The following HIBADH variants were observed in gnomAD, a reference collection of about 807,000 sequenced individuals.
HIBADH encodes 3-hydroxyisobutyrate dehydrogenase, also known as 3-hydroxyisobutyrate dehydrogenase, mitochondrial.
HIBADH carries 25 observed loss-of-function variants against 36.1 expected under a neutral mutation model. The ratio of observed to expected loss-of-function variants is 0.69; its 90% CI spans 0.50 to 0.97. HIBADH has a LOEUF of 0.97. Ranked by LOEUF, HIBADH falls within the 50% of genes least tolerant of loss-of-function variation. The pLI is 0.00. For synonymous variants in HIBADH, 160 were observed against 149.5 expected (o/e 1.07, Z -0.51); for missense variants, 421 against 418.0 (o/e 1.01, Z -0.06).
At chr7:27,543,725 T>C (rs577291071) in intron 4 of HIBADH, among the ~76,000 whole-genome samples, 140 of 152,356 alleles carry the variant, frequency 9.2e-4, no homozygotes, top group African/African-American at 3.0e-3. Context: ...ATTTTTCTTT[T>C]CCTTCCTGCT....
chr7:27,647,866 G>A (rs1255085253), intron 2 of HIBADH: 2 of 190,612 alleles, frequency 1.0e-5, no homozygotes, highest in Non-Finnish European at 2.5e-5. Flanking sequence ...TACAGGCATA[G>A]AGGGAAGAGT....
At chr7:27,554,432 T>A (rs1172069260) in intron 4 of HIBADH, among the ~76,000 whole-genome samples, 1 of 152,246 alleles carries the variant, frequency 6.6e-6, no homozygotes, top group Non-Finnish European at 1.5e-5. Context: ...AAGTTTCACA[T>A]GCATCCTTTC....
intron 4 of HIBADH, among the ~76,000 whole-genome samples, chr7:27,627,252 C>T (rs1785664623): frequency 6.6e-6 from 1 of 152,160 alleles, no homozygotes; most frequent in African/African-American, 2.4e-5. Flanking sequence ...TGGCTGAAGC[C>T]AACCAGTCTC....
intron 4 of HIBADH, among the ~76,000 whole-genome samples, chr7:27,566,863 C>A (rs1266375405): frequency 1.3e-5 from 2 of 152,016 alleles, no homozygotes; most frequent in Non-Finnish European, 2.9e-5. Context: ...ATATATGTTA[C>A]TGGTTTCTAG....
chr7:27,566,808 G>T (rs1784554437), intron 4 of HIBADH, among the ~76,000 whole-genome samples: 1 of 151,946 alleles, frequency 6.6e-6, no homozygotes, highest in African/African-American at 2.4e-5. Flanking sequence ...GATTACTTAG[G>T]AATGTGTTAT....
At chr7:27,605,291 CA>C (rs1433708978) in intron 4 of HIBADH, among the ~76,000 whole-genome samples, 1 of 151,810 alleles carries the variant, frequency 6.6e-6, no homozygotes, top group Non-Finnish European at 1.5e-5. Flanking sequence ...CCCTGAAAAA[CA>C]GTACAGGAAA....
intron 4 of HIBADH, among the ~76,000 whole-genome samples, chr7:27,606,677 T>G (rs1237784529): frequency 2.0e-5 from 3 of 152,224 alleles, no homozygotes; most frequent in Non-Finnish European, 4.4e-5. Flanking sequence ...TAAAGCCCCA[T>G]ATGGGTAGCA....
chr7:27,631,925 C>T (rs542123807), intron 3 of HIBADH, among the ~76,000 whole-genome samples: 8 of 152,056 alleles, frequency 5.3e-5, no homozygotes, highest in Non-Finnish European at 8.8e-5. Flanking sequence ...AACTTTTTTT[C>T]GTATAATAAA....
chr7:27,638,319 A>AAC (rs1367289364), intron 2 of HIBADH, among the ~76,000 whole-genome samples: 1 of 148,732 alleles, frequency 6.7e-6, no homozygotes, highest in African/African-American at 2.5e-5. Flanking sequence ...AAAAAAAAAA[A>AAC]AAAAAAAAAA....
At chr7:27,561,569 T>G (rs1160672113) in intron 4 of HIBADH, among the ~76,000 whole-genome samples, 1 of 152,150 alleles carries the variant, frequency 6.6e-6, no homozygotes, top group Admixed American at 6.5e-5. Flanking sequence ...AATTTTTTGA[T>G]GTGTCTTGAG....
At chr7:27,575,456 G>C (rs191145929) in intron 4 of HIBADH, among the ~76,000 whole-genome samples, 7 of 152,346 alleles carry the variant, frequency 4.6e-5, no homozygotes, top group African/African-American at 1.7e-4. Flanking sequence ...AGAGTGTGGA[G>C]AGCCTTGAAT....
At chr7:27,527,917 C>CTTTTTTTTTTTTTT (rs1562609863) in intron 7 of HIBADH, among the ~76,000 whole-genome samples, 982 of 76,912 alleles carry the variant, frequency 0.013, 368 homozygotes, top group African/African-American at 0.03. Context: ...CCACACCCAG[C>CTTTTTTTTTTTTTT]GTTTTTTTTT....
Position 27,629,474 on chromosome 7 carries a change from T to C in HIBADH, c.381A>G (p.Ser127=), listed in dbSNP as rs931625131. ...NGILKKVKKG[S]LLIDSSTIDP... is the part of the protein sequence containing the mutation. ...CAATAGTGCTGGAATCTATTAATAA[T>C]GAGCCCTTCTTCACTTTTCTAAGTA... is the stretch of plus-strand genomic sequence containing the variant. Residue 127 remains serine, a synonymous_variant, in exon 4 of 8, where the codon TCA becomes TCG. Transcript: ENST00000265395. 8 of 1,593,482 alleles carry C rather than the reference T, an allele frequency of 5.0e-6. No homozygotes were observed. Among genetic ancestry groups the C allele is most frequent in the East Asian group, 4.5e-5 (2 of 44,412 alleles).
intron 4 of HIBADH, among the ~76,000 whole-genome samples, chr7:27,544,380 T>C (rs1784203450): frequency 6.6e-6 from 1 of 152,206 alleles, no homozygotes; most frequent in Non-Finnish European, 1.5e-5. Context: ...AGTGCCCACA[T>C]GTTATGAAAA....
intron 7 of HIBADH, among the ~76,000 whole-genome samples, chr7:27,530,371 A>G (rs1783974207): frequency 6.6e-6 from 1 of 151,960 alleles, no homozygotes; most frequent in Non-Finnish European, 1.5e-5. Flanking sequence ...ACGCCCGACT[A>G]ATTTTTTTTA....
intron 4 of HIBADH, among the ~76,000 whole-genome samples, chr7:27,584,899 T>C (rs1784836753): frequency 6.6e-6 from 1 of 152,030 alleles, no homozygotes; most frequent in Non-Finnish European, 1.5e-5. Flanking sequence ...ACTCTATTAT[T>C]AGAAAAATAA....
intron 4 of HIBADH, among the ~76,000 whole-genome samples, chr7:27,598,039 T>G (rs1785059546): frequency 6.6e-6 from 1 of 152,192 alleles, no homozygotes; most frequent in African/African-American, 2.4e-5. Context: ...CTACTTGTTT[T>G]TAGCAACAAG....
Position 27,662,695 on chromosome 7 carries a change from T to C in HIBADH, c.91+3A>G, listed in dbSNP as rs1786448855. ...CAAGGGGGAGGAGGCGTGAGGTCCTTACCCGCTGCAAAGCTGCCGGCTGCC... is the reference window on the plus strand; with the variant it reads ...CAAGGGGGAGGAGGCGTGAGGTCCTCACCCGCTGCAAAGCTGCCGGCTGCC... On this transcript the variant is annotated splice_donor_region_variant and intron_variant, in intron 1 of 7. Coordinates refer to ENST00000265395, the MANE Select transcript of HIBADH (RefSeq NM_152740.4). 2.2e-6 allele frequency: 3 copies of C among 1,348,140 alleles called. No individual in the cohort carries two copies. Among genetic ancestry groups the C allele is most frequent in the Admixed American group, 3.9e-5 (1 of 25,676 alleles). The allele number at this position is 1,348,140 out of a possible 1,614,324, so 83.5% of individuals were successfully genotyped here.
At chr7:27,643,414 C>T (rs145408636) in intron 2 of HIBADH, among the ~76,000 whole-genome samples, 98 of 152,352 alleles carry the variant, frequency 6.4e-4, no homozygotes, top group African/African-American at 2.3e-3. Context: ...TTAACATTAA[C>T]ATACAGTGAT....
Sources: allele counts gnomAD v4.1 joint callset (sites outside exome capture counted in the v4.1 genomes callset), GRCh38; gene constraint gnomAD v4.1.1; transcripts MANE v1.5; gene names NCBI Gene and HGNC (gene_info 2026-07-23, HGNC 2026-07-21).